GLG1: variants seen among roughly 807,000 people sequenced by gnomAD.
GLG1 encodes the protein golgi glycoprotein 1.
Under a neutral mutation model 160.5 loss-of-function variants are expected in GLG1, and 38 were observed. The observed-to-expected ratio is 0.24, with a 90% CI of 0.18 to 0.31. GLG1 has a LOEUF of 0.31. GLG1 is among the 10% of genes least tolerant of loss of function. The pLI, the probability that GLG1 is intolerant of heterozygous loss-of-function variation, is 1.00. For missense variants in GLG1, 1,373 were observed against 1,505.2 expected (o/e 0.91, Z 1.45); for synonymous variants, 644 against 543.4 (o/e 1.19, Z -2.57).
chr16:74,505,485 C>T (rs114801078), intron 3 of GLG1, among the ~76,000 whole-genome samples: 48 of 152,178 alleles, frequency 3.2e-4, no homozygotes, highest in African/African-American at 1.2e-3. Context: ...TTTGGAAGAC[C>T]GAGGGGGGTG....
intron 1 of GLG1, among the ~76,000 whole-genome samples, chr16:74,581,037 T>G (rs565103921): frequency 5.3e-5 from 8 of 152,288 alleles, no homozygotes; most frequent in African/African-American, 1.9e-4. Flanking sequence ...CTCTGAACTG[T>G]TGGTGGGAAT....
At chr16:74,571,992 A>G (rs1483917165) in intron 1 of GLG1, among the ~76,000 whole-genome samples, 2 of 152,094 alleles carry the variant, frequency 1.3e-5, no homozygotes, top group East Asian at 1.9e-4. Flanking sequence ...CTCAGAAGAG[A>G]TAACTGTCTT....
chr16:74,457,268 G>C (rs544608800), intron 24 of GLG1, among the ~76,000 whole-genome samples: 1 of 152,218 alleles, frequency 6.6e-6, no homozygotes, highest in South Asian at 2.1e-4. Context: ...ATGGTGGTGG[G>C]TGCCTGTAGT....
intron 5 of GLG1, among the ~76,000 whole-genome samples, chr16:74,496,067 C>G (rs2016173775): frequency 6.6e-6 from 1 of 152,202 alleles, no homozygotes; most frequent in South Asian, 2.1e-4. Context: ...GGTTCAAGAC[C>G]AGTCCGGGCA....
chr16:74,591,286 G>C (rs919639938), intron 1 of GLG1, among the ~76,000 whole-genome samples: 2 of 150,660 alleles, frequency 1.3e-5, no homozygotes, highest in Non-Finnish European at 2.9e-5. Flanking sequence ...AGCCAACATC[G>C]TGCCACTGCA....
intron 1 of GLG1, among the ~76,000 whole-genome samples, chr16:74,583,151 C>G (rs757712707): frequency 1.4e-4 from 21 of 152,164 alleles, no homozygotes; most frequent in Non-Finnish European, 2.5e-4. Flanking sequence ...CCCCAGGGCT[C>G]AGTCCTTGGA....
intron 2 of GLG1, among the ~76,000 whole-genome samples, chr16:74,522,581 T>C (rs2017201679): frequency 6.6e-6 from 1 of 152,248 alleles, no homozygotes; most frequent in Admixed American, 6.5e-5. Flanking sequence ...TTTGTTGCTC[T>C]GTGTGACTTC....
chr16:74,555,214 T>C (rs2018319352), intron 1 of GLG1, among the ~76,000 whole-genome samples: 1 of 152,050 alleles, frequency 6.6e-6, no homozygotes, highest in African/African-American at 2.4e-5. Flanking sequence ...CACTGAAAAC[T>C]GATCAAGAAA....
At position 74,606,535 on chromosome 16, in the gene GLG1, G is replaced by A. The variant is rs1597393624; in HGVS notation, c.438+122C>T. 4 of 770,640 alleles carry A rather than the reference G, an allele frequency of 5.2e-6. No homozygotes were observed. The East Asian group carries it at 8.1e-5, about 16-fold the overall frequency. 47.7% of individuals were successfully genotyped at this position (770,640 alleles called of 1,614,324 possible). On this transcript the variant is annotated intron_variant, in intron 1 of 25. Transcript: ENST00000422840. ...TGGGAGTGAGGAGCAAAGAGGGAAG[G>A]AGCGAGTGCAGCACAGAGGAAGCAA...
intron 8 of GLG1, among the ~76,000 whole-genome samples, chr16:74,489,765 G>A (rs189053497): frequency 1.3e-5 from 2 of 152,252 alleles, no homozygotes; most frequent in Admixed American, 1.3e-4. Context: ...AGACACGCAT[G>A]CGTGCGCACA....
chr16:74,547,095 A>T (rs1188507293), intron 1 of GLG1, among the ~76,000 whole-genome samples: 1 of 152,076 alleles, frequency 6.6e-6, no homozygotes, highest in African/African-American at 2.4e-5. Context: ...GTCTTTTATT[A>T]TATCATTTTG....
chr16:74,529,246 G>A (rs971204921), intron 2 of GLG1, among the ~76,000 whole-genome samples: 1 of 152,096 alleles, frequency 6.6e-6, no homozygotes, highest in Non-Finnish European at 1.5e-5. Flanking sequence ...TGGGATTACA[G>A]GCGTGAACCA....
chr16:74,563,751 G>GA (rs542423677), intron 1 of GLG1, among the ~76,000 whole-genome samples: 6 of 144,884 alleles, frequency 4.1e-5, no homozygotes, highest in South Asian at 2.2e-4. Flanking sequence ...GAAAGAAAAA[G>GA]AAAAAAAAAA....
At chr16:74,590,669 T>C (rs1263127759) in intron 1 of GLG1, among the ~76,000 whole-genome samples, 1 of 138,286 alleles carries the variant, frequency 7.2e-6, no homozygotes, top group African/African-American at 2.7e-5. Flanking sequence ...TGACACCACA[T>C]GCTTGTAATC....
Position 74,483,094 on chromosome 16 carries a change from G to A in GLG1, c.1602C>T (p.Tyr534=), listed in dbSNP as rs370503981. 1.2e-5 allele frequency: 20 copies of A among 1,607,290 alleles called. No individual in the cohort carries two copies. In the Middle Eastern group the frequency reaches 4.9e-4, roughly 40 times the overall value. The change falls in exon 10 of 26, where the codon TAC becomes TAT. Residue 534 remains tyrosine, a synonymous_variant. Transcript: ENST00000422840. The stretch of plus-strand genomic sequence containing the variant: ...CACAGTCTTCTACCATCTTCTCTGT[G>A]TATAAATGTTCCATCAGGCACGACA... The part of the protein sequence containing the change: ...MILSCLMEHL[Y]TEKMVEDCEH...
intron 19 of GLG1, 143 bp downstream of exon 19, chr16:74,465,533 G>A (rs1053028726): frequency 1.0e-5 from 8 of 786,278 alleles, no homozygotes; most frequent in African/African-American, 5.2e-5. Context: ...CCAGGAACCC[G>A]CAGGCTCCCA....
intron 1 of GLG1, among the ~76,000 whole-genome samples, chr16:74,584,813 G>A (rs1958010808): frequency 6.6e-6 from 1 of 152,118 alleles, no homozygotes; most frequent in South Asian, 2.1e-4. Context: ...CTACTTGGGA[G>A]GCTGAGGCAG....
intron 1 of GLG1, among the ~76,000 whole-genome samples, chr16:74,575,157 A>T (rs2018965980): frequency 6.6e-6 from 1 of 151,584 alleles, no homozygotes; most frequent in African/African-American, 2.4e-5. Context: ...TGAGGCAGGG[A>T]ATTACTTGAA....
chr16:74,544,570 G>A (rs2017992551), intron 1 of GLG1, among the ~76,000 whole-genome samples: 1 of 152,276 alleles, frequency 6.6e-6, no homozygotes, highest in East Asian at 1.9e-4. Context: ...GCAATAGCGT[G>A]ATCACGGCTC....
Sources: allele counts gnomAD v4.1 joint callset (sites outside exome capture counted in the v4.1 genomes callset), GRCh38; gene constraint gnomAD v4.1.1; transcripts MANE v1.5; gene names NCBI Gene and HGNC (gene_info 2026-07-23, HGNC 2026-07-21).